EYS: variants seen among roughly 807,000 people sequenced by gnomAD.
EYS encodes EGF-like photoreceptor maintenance factor, also known as protein eyes shut homolog.
A neutral mutation model predicts 282.1 loss-of-function variants in EYS; 250 were observed. That is an observed-to-expected ratio of 0.89 (90% CI 0.80 to 0.98). The LOEUF is 0.98. Ranked by LOEUF, EYS falls within the 50% of genes least tolerant of loss-of-function variation. The pLI is 0.00. For synonymous variants in EYS, 1,355 were observed against 1,282.9 expected, an observed-to-expected ratio of 1.06 and a Z score of -1.20; for missense variants, 4,016 against 3,709.0, an observed-to-expected ratio of 1.08 and a Z score of -2.15.
At chr6:63,956,352 C>A (rs913873108) in intron 35 of EYS, among the ~76,000 whole-genome samples, 4 of 152,064 alleles carry the variant, frequency 2.6e-5, no homozygotes, top group Admixed American at 6.6e-5. Context: ...AGAAACAACC[C>A]CCTTTGACTA....
intron 36 of EYS, among the ~76,000 whole-genome samples, chr6:63,811,661 T>G (rs984718639): frequency 6.6e-6 from 1 of 152,188 alleles, no homozygotes; most frequent in Non-Finnish European, 1.5e-5. Context: ...TACTAGATAA[T>G]GAACATATAT....
chr6:64,135,446 G>A (rs1003410759), intron 31 of EYS, among the ~76,000 whole-genome samples: 1 of 151,986 alleles, frequency 6.6e-6, no homozygotes, highest in Non-Finnish European at 1.5e-5. Context: ...TGAGTGAGAA[G>A]GGATTTAAAT....
intron 35 of EYS, among the ~76,000 whole-genome samples, chr6:63,965,002 C>T (rs1483712526): frequency 6.6e-6 from 1 of 152,168 alleles, no homozygotes; most frequent in Non-Finnish European, 1.5e-5. Context: ...CTTCCTATTG[C>T]AGTAAACCAG....
chr6:65,372,008 G>T (rs981295374), intron 8 of EYS, among the ~76,000 whole-genome samples: 1 of 134,178 alleles, frequency 7.5e-6, no homozygotes, highest in Non-Finnish European at 1.6e-5. Context: ...AAAAAAAAAA[G>T]CAAAACTGAT....
intron 26 of EYS, among the ~76,000 whole-genome samples, chr6:64,496,396 T>C: frequency 6.6e-6 from 1 of 151,960 alleles, no homozygotes; most frequent in Non-Finnish European, 1.5e-5. Flanking sequence ...GCCTTGCTTG[T>C]TTATACTGTA....
intron 28 of EYS, among the ~76,000 whole-genome samples, chr6:64,426,612 T>C (rs928147030): frequency 6.6e-6 from 1 of 152,028 alleles, no homozygotes; most frequent in Non-Finnish European, 1.5e-5. Context: ...ATAAAGGTGA[T>C]CCTGAAGAAG....
chr6:65,145,796 A>C (rs532290641), intron 12 of EYS, among the ~76,000 whole-genome samples: 14 of 152,076 alleles, frequency 9.2e-5, no homozygotes, highest in Middle Eastern at 3.4e-3. Flanking sequence ...TGCAGGAAAA[A>C]AGACCTCTGA....
At chr6:64,017,123 G>GA (rs1009650980) in intron 33 of EYS, among the ~76,000 whole-genome samples, 1 of 151,878 alleles carries the variant, frequency 6.6e-6, no homozygotes, top group African/African-American at 2.4e-5. Flanking sequence ...GGCAAGGAGG[G>GA]AAAGCTGAAA....
At chr6:64,422,566 T>C (rs1043636611) in intron 28 of EYS, among the ~76,000 whole-genome samples, 1 of 152,194 alleles carries the variant, frequency 6.6e-6, no homozygotes, top group Non-Finnish European at 1.5e-5. Context: ...GAAGCCTCAA[T>C]AGGTTGAGTA....
At chr6:65,460,386 T>C (rs1162539399) in intron 5 of EYS, among the ~76,000 whole-genome samples, 7 of 152,002 alleles carry the variant, frequency 4.6e-5, no homozygotes, top group Non-Finnish European at 7.4e-5. Flanking sequence ...TCTAAGAAGA[T>C]AAAGTCCCCT....
At chr6:64,501,356 G>A (rs1392083236) in intron 26 of EYS, among the ~76,000 whole-genome samples, 3 of 151,874 alleles carry the variant, frequency 2.0e-5, no homozygotes, top group Admixed American at 2.0e-4. Context: ...CATTAGGATA[G>A]ATTCAACATA....
intron 26 of EYS, among the ~76,000 whole-genome samples, chr6:64,571,491 G>A (rs1765724217): frequency 6.6e-6 from 1 of 152,062 alleles, no homozygotes. Flanking sequence ...TCCAGGAGCT[G>A]TTGTTTTTGA....
chr6:64,944,952 T>C (rs374700759), intron 15 of EYS, among the ~76,000 whole-genome samples: 114 of 150,062 alleles, frequency 7.6e-4, no homozygotes, highest in East Asian at 3.2e-3. Flanking sequence ...GATTCTATTG[T>C]TCACATATTT....
chr6:63,849,875 C>T (rs886323126), intron 36 of EYS, among the ~76,000 whole-genome samples: 8 of 152,010 alleles, frequency 5.3e-5, no homozygotes, highest in African/African-American at 9.7e-5. Flanking sequence ...ATAACAAACT[C>T]GTCTGAGCTA....
intron 2 of EYS, among the ~76,000 whole-genome samples, chr6:65,504,068 C>T (rs965612134): frequency 2.6e-5 from 4 of 151,602 alleles, no homozygotes; most frequent in Non-Finnish European, 5.9e-5. Context: ...TATATTGAGG[C>T]TCCCAATCAA....
chr6:64,630,768 G>A (rs902977507), intron 22 of EYS, among the ~76,000 whole-genome samples: 2 of 152,066 alleles, frequency 1.3e-5, no homozygotes, highest in Non-Finnish European at 2.9e-5. Context: ...GTTATGTGAT[G>A]TTTACATTCT....
rs79658014 is a variant in EYS at position 64,148,747 on chromosome 6, G to A, written c.6425-66745C>T. On this transcript the variant is annotated intron_variant, in intron 31 of 42. Transcript: ENST00000503581. Reference sequence around the variant, plus strand: ...ACCAGGGATCTCTGAAAAAATTATAGCAGTAAAACTCATGTTAATAGTGAT... The same window carrying A: ...ACCAGGGATCTCTGAAAAAATTATAACAGTAAAACTCATGTTAATAGTGAT... Among the ~76,000 whole-genome samples the A allele has an allele frequency of 6.2e-3, 936 of 152,016 alleles. 8 individuals are homozygous for A. The highest frequency in any genetic ancestry group is 0.031 in the East Asian group (162 of 5,160).
chr6:64,829,724 C>T (rs1054822611), intron 19 of EYS, among the ~76,000 whole-genome samples: 3 of 151,892 alleles, frequency 2.0e-5, no homozygotes, highest in Non-Finnish European at 2.9e-5. Context: ...CACTCTATAT[C>T]AATAATCATT....
chr6:64,716,765 T>TG (rs1583073859), intron 22 of EYS, among the ~76,000 whole-genome samples: 1 of 152,262 alleles, frequency 6.6e-6, no homozygotes, highest in African/African-American at 2.4e-5. Flanking sequence ...TTTACGTTGA[T>TG]ATTTTTTTTT....
Sources: gnomAD v4.1 joint callset for allele counts (sites outside exome capture counted in the v4.1 genomes callset) on GRCh38, gnomAD v4.1.1 for gene constraint, MANE v1.5 for transcripts, NCBI Gene and HGNC (gene_info 2026-07-23, HGNC 2026-07-21) for gene names.